The following RPS6KC1 variants were observed in gnomAD, a reference collection of about 807,000 sequenced individuals.
RPS6KC1 encodes the protein ribosomal protein S6 kinase C1.
In RPS6KC1, 54 loss-of-function variants were observed where a neutral mutation model predicts 103.8. That is an observed-to-expected ratio of 0.52 (90% confidence interval 0.42 to 0.65). RPS6KC1 has a LOEUF of 0.65. RPS6KC1 is among the 30% of genes least tolerant of loss of function. The pLI is 0.00. For missense variants in RPS6KC1, 1,151 were observed against 1,253.8 expected, an observed-to-expected ratio of 0.92 and a Z score of 1.24; for synonymous variants, 439 against 438.7, an observed-to-expected ratio of 1.00 and a Z score of -0.01.
intron 12 of RPS6KC1, among the ~76,000 whole-genome samples, chr1:213,255,321 TAA>T (rs376131332): frequency 5.8e-5 from 8 of 139,004 alleles, no homozygotes; most frequent in Non-Finnish European, 6.3e-5. Flanking sequence ...ATGAGAACCT[TAA>T]AAAAAAAAAA....
intron 6 of RPS6KC1, among the ~76,000 whole-genome samples, chr1:213,165,757 G>A (rs890675329): frequency 6.6e-6 from 1 of 152,056 alleles, no homozygotes; most frequent in Non-Finnish European, 1.5e-5. Context: ...GGGTTTTGCT[G>A]TGTGGGCCAG....
chr1:213,122,687 T>C (rs963217529), intron 5 of RPS6KC1, among the ~76,000 whole-genome samples: 3 of 152,178 alleles, frequency 2.0e-5, no homozygotes, highest in African/African-American at 4.8e-5. Flanking sequence ...TAAATCTTGT[T>C]ACTGGTATTT....
At chr1:213,640,840 TA>T in the RPS6KC1 span, among the ~76,000 whole-genome samples, 99 of 151,978 alleles carry the variant, frequency 6.5e-4, no homozygotes, top group Admixed American at 3.6e-3. Flanking sequence ...CATGTTCACT[TA>T]AAAAAATGTA....
chr1:213,121,346 A>C (rs1421212743), intron 5 of RPS6KC1, among the ~76,000 whole-genome samples: 5 of 152,228 alleles, frequency 3.3e-5, no homozygotes, highest in Non-Finnish European at 5.9e-5. Flanking sequence ...GTTTAATATG[A>C]AATTGAAAAT....
chr1:213,638,924 T>C, the RPS6KC1 span, among the ~76,000 whole-genome samples: 66 of 152,188 alleles, frequency 4.3e-4, no homozygotes, highest in African/African-American at 1.5e-3. Context: ...CTTGATTAAA[T>C]CTATATCTCA....
the RPS6KC1 span, among the ~76,000 whole-genome samples, chr1:213,777,433 A>G: frequency 6.6e-5 from 10 of 152,190 alleles, no homozygotes; most frequent in African/African-American, 2.4e-4. Flanking sequence ...CAGCTGGTCA[A>G]TGGAGCAGTC....
chr1:213,386,940 G>C, the RPS6KC1 span, among the ~76,000 whole-genome samples: 1 of 152,222 alleles, frequency 6.6e-6, no homozygotes. Flanking sequence ...AAGGCCTTTA[G>C]ACACGATGAG....
intron 4 of RPS6KC1, among the ~76,000 whole-genome samples, chr1:213,112,582 A>G (rs1158491518): frequency 3.3e-5 from 5 of 151,032 alleles, no homozygotes; most frequent in East Asian, 1.9e-4. Context: ...TTATTATTAT[A>G]CTTTAAGTTT....
At position 213,051,262 on chromosome 1, in the gene RPS6KC1, A is replaced by T. The variant is rs1002040980; in HGVS notation, c.-143A>T. On this transcript the variant is annotated 5_prime_UTR_variant, in exon 1 of 15. Coordinates refer to ENST00000366960, the MANE Select transcript of RPS6KC1 (RefSeq NM_012424.6). ...TGCTGACCCGGAAGCAGAGCTGTGC[A>T]GCTGAGGCGCCGCCGTGGAGCCGCC... The T allele has an allele frequency of 9.6e-6, 6 of 624,404 alleles. No individual in the cohort carries two copies. Among genetic ancestry groups the T allele is most frequent in the African/African-American group, 1.9e-5 (1 of 53,506 alleles). 38.7% of individuals were successfully genotyped at this position (624,404 alleles called of 1,614,324 possible).
the RPS6KC1 span, among the ~76,000 whole-genome samples, chr1:213,546,831 G>A: frequency 6.6e-6 from 1 of 152,072 alleles, no homozygotes; most frequent in African/African-American, 2.4e-5. Context: ...AATCAATATC[G>A]ATACATTATT....
At chr1:213,472,458 G>T in the RPS6KC1 span, among the ~76,000 whole-genome samples, 37 of 152,322 alleles carry the variant, frequency 2.4e-4, no homozygotes, top group African/African-American at 8.7e-4. Flanking sequence ...GAGTTTCATT[G>T]TTATGTAGCC....
At chr1:213,528,809 C>T in the RPS6KC1 span, among the ~76,000 whole-genome samples, 97,459 of 152,068 alleles carry the variant, frequency 0.64, 33,575 homozygotes, top group East Asian at 0.98. Context: ...GAAGCCAGAG[C>T]GACAAATAAA....
At chr1:213,740,702 A>ATCTCT in the RPS6KC1 span, among the ~76,000 whole-genome samples, 298 of 148,994 alleles carry the variant, frequency 2.0e-3, no homozygotes, top group African/African-American at 3.1e-3. Context: ...ACACATATAT[A>ATCTCT]CATCTCAGAT....
the RPS6KC1 span, among the ~76,000 whole-genome samples, chr1:213,523,412 G>A: frequency 1.2e-4 from 19 of 152,250 alleles, no homozygotes; most frequent in South Asian, 2.9e-3. Flanking sequence ...TGAGAAAATG[G>A]CACCAATAGA....
chr1:213,088,463 A>C (rs2080636331), intron 3 of RPS6KC1, among the ~76,000 whole-genome samples: 2 of 151,970 alleles, frequency 1.3e-5, no homozygotes, highest in Admixed American at 1.3e-4. Flanking sequence ...TCCGGGTTCA[A>C]GCGATTCTCC....
At chr1:213,677,970 C>T in the RPS6KC1 span, among the ~76,000 whole-genome samples, 1 of 151,372 alleles carries the variant, frequency 6.6e-6, no homozygotes, top group African/African-American at 2.4e-5. Flanking sequence ...TATGCCACTG[C>T]ACTCCAGCCG....
the RPS6KC1 span, among the ~76,000 whole-genome samples, chr1:213,444,526 G>T: frequency 6.6e-6 from 1 of 152,048 alleles, no homozygotes; most frequent in South Asian, 2.1e-4. Context: ...CTTTGTTTTC[G>T]TTATGAGTAT....
At chr1:213,684,108 C>T in the RPS6KC1 span, among the ~76,000 whole-genome samples, 1 of 152,170 alleles carries the variant, frequency 6.6e-6, no homozygotes, top group Non-Finnish European at 1.5e-5. Flanking sequence ...ATTCCCTGTA[C>T]ACACCCTACT....
At chr1:213,577,970 T>C in the RPS6KC1 span, among the ~76,000 whole-genome samples, 2 of 152,158 alleles carry the variant, frequency 1.3e-5, no homozygotes, top group South Asian at 4.1e-4. Context: ...GGGGAAAATG[T>C]CTCCAGGGCA....
Sources: allele counts gnomAD v4.1 joint callset (sites outside exome capture counted in the v4.1 genomes callset), GRCh38; gene constraint gnomAD v4.1.1; transcripts MANE v1.5; gene names NCBI Gene and HGNC (gene_info 2026-07-23, HGNC 2026-07-21).